LOXL1: variants seen among roughly 807,000 people sequenced by gnomAD.
LOXL1 encodes lysyl oxidase homolog 1.
LOXL1 carries 31 observed loss-of-function variants against 62.2 expected under a neutral mutation model. That is an observed-to-expected ratio of 0.50 (90% CI 0.37 to 0.67). The LOEUF (loss-of-function observed/expected upper bound fraction) is 0.67. Ranked by LOEUF, LOXL1 falls within the 30% of genes least tolerant of loss-of-function variation. LOXL1 has a pLI of 0.00. For missense variants in LOXL1, 775 were observed against 843.4 expected (o/e 0.92, Z 1.00); for synonymous variants, 403 against 384.4 (o/e 1.05, Z -0.56).
intron 1 of LOXL1, 106 bp downstream of exon 1, chr15:73,927,991 A>T (rs1249123766): frequency 9.3e-7 from 1 of 1,073,348 alleles, no homozygotes; most frequent in Non-Finnish European, 1.2e-6. Context: ...GCCTCCCCGG[A>T]GCTGCTAAGC....
At chr15:73,951,225 A>G (rs541706812) in intron 6 of LOXL1, among the ~76,000 whole-genome samples, 2 of 152,360 alleles carry the variant, frequency 1.3e-5, no homozygotes, top group African/African-American at 4.8e-5. Flanking sequence ...TGGAGCAGCC[A>G]GGAGGGCTGT....
chr15:73,927,755 G>T lies in LOXL1; in HGVS notation c.972G>T (p.Pro324=). Residue 324 remains proline (P), a synonymous_variant, in exon 1 of 7, where the codon CCG becomes CCT. Transcript: ENST00000261921. ...CGCCGCCCGAGGCGTACGGGCCGCCGCGCGCGCTGGAGCCGCCCTACCTGC... is the reference window on the plus strand; with the variant it reads ...CGCCGCCCGAGGCGTACGGGCCGCCTCGCGCGCTGGAGCCGCCCTACCTGC... The part of the protein sequence containing the change: ...ANPPPEAYGP[P]RALEPPYLPV... 6.9e-7 allele frequency: 1 copy of T among 1,449,486 alleles called. No individual in the cohort carries two copies. Among genetic ancestry groups the T allele is most frequent in the Non-Finnish European group, 9.0e-7 (1 of 1,107,170 alleles). The allele number at this position is 1,449,486 out of a possible 1,614,324, so 89.8% of individuals were successfully genotyped here.
intron 1 of LOXL1, among the ~76,000 whole-genome samples, chr15:73,938,644 G>A (rs1238969798): frequency 6.6e-6 from 1 of 152,218 alleles, no homozygotes; most frequent in Non-Finnish European, 1.5e-5. Flanking sequence ...CCGGGAAGCG[G>A]ATGTTGCAGT....
chr15:73,927,757 G>T lies in LOXL1; in HGVS notation c.974G>T (p.Arg325Leu). Residue 325 changes from arginine (R) to leucine (L), a missense_variant, in exon 1 of 7, where the codon CGC becomes CTC. Coordinates refer to ENST00000261921, the MANE Select transcript of LOXL1 (RefSeq NM_005576.4). Reference protein sequence around the residue: ...NPPPEAYGPPRALEPPYLPVR... With the variant: ...NPPPEAYGPPLALEPPYLPVR... The stretch of plus-strand genomic sequence containing the variant: ...CCGCCCGAGGCGTACGGGCCGCCGC[G>T]CGCGCTGGAGCCGCCCTACCTGCCG... 6.9e-7 allele frequency: 1 copy of T among 1,446,020 alleles called. No homozygotes were observed. Among genetic ancestry groups the T allele is most frequent in the Non-Finnish European group, 9.0e-7 (1 of 1,105,434 alleles). The allele number at this position is 1,446,020 out of a possible 1,614,324, so 89.6% of individuals were successfully genotyped here.
intron 1 of LOXL1, among the ~76,000 whole-genome samples, chr15:73,937,723 C>T (rs966202304): frequency 1.4e-4 from 22 of 152,254 alleles, no homozygotes; most frequent in Admixed American, 1.3e-3. Context: ...AGACCCCAGG[C>T]TCCTGTCTCC....
chr15:73,947,760 C>G (rs1234582707), intron 4 of LOXL1, 47 bp from the exon 5 acceptor site: 1 of 1,381,600 alleles, frequency 7.2e-7, no homozygotes, highest in East Asian at 2.3e-5. Flanking sequence ...TGGGGTGGCT[C>G]TGGGAAACAA....
intron 4 of LOXL1, 103 bp downstream of exon 4, chr15:73,947,326 C>G: frequency 7.8e-7 from 1 of 1,275,430 alleles, no homozygotes; most frequent in South Asian, 1.4e-5. Flanking sequence ...CTTCTGGCCA[C>G]TCAGCTCTGC....
intron 1 of LOXL1, among the ~76,000 whole-genome samples, chr15:73,935,207 A>G (rs1472572632): frequency 1.3e-5 from 2 of 152,170 alleles, no homozygotes; most frequent in Non-Finnish European, 2.9e-5. Flanking sequence ...CCAGGAGTGG[A>G]CAGTGGAGAG....
Position 73,951,958 on chromosome 15 carries a change from C to A in LOXL1, c.*121C>A. 1.2e-6 allele frequency: 1 copy of A among 867,196 alleles called. No individual in the cohort carries two copies. Among genetic ancestry groups the A allele is most frequent in the Non-Finnish European group, 1.6e-6 (1 of 631,814 alleles). 53.7% of individuals were successfully genotyped at this position (867,196 alleles called of 1,614,324 possible). ...GGCACGGAGGGGCATCCCTCCCTGCCGGCCTCAGGGAGCGAACGTGGATGA... is the reference window on the plus strand; with the variant it reads ...GGCACGGAGGGGCATCCCTCCCTGCAGGCCTCAGGGAGCGAACGTGGATGA... On this transcript the variant is annotated 3_prime_UTR_variant, in exon 7 of 7. Coordinates refer to ENST00000261921, the MANE Select transcript of LOXL1 (RefSeq NM_005576.4).
At position 73,947,222 on chromosome 15, in the gene LOXL1, A is replaced by G; in HGVS notation, c.1505A>G (p.Gln502Arg). 6.3e-7 allele frequency: 1 copy of G among 1,596,246 alleles called. No individual in the cohort carries two copies. Among genetic ancestry groups the G allele is most frequent in the Non-Finnish European group, 8.6e-7 (1 of 1,166,124 alleles). ...LKRYACTSHT[Q>R]GLSPGCYDTY... ...CGCTATGCATGCACCTCTCATACCC[A>G]GGTTGGGCTGGAGAGATGGGGTTTG... The change falls in exon 4 of 7, where the codon CAG (glutamine) becomes CGG (arginine). Residue 502 changes from glutamine (Q) to arginine (R), a missense_variant and splice_region_variant. Coordinates refer to ENST00000261921, the MANE Select transcript of LOXL1 (RefSeq NM_005576.4).
rs905369255 is a variant in LOXL1, at chr15:73,951,971, C to T, written c.*134C>T. The T allele has an allele frequency of 1.5e-5, 10 of 683,372 alleles. No individual in the cohort carries two copies. Among genetic ancestry groups the T allele is most frequent in the Admixed American group, 8.3e-5 (2 of 24,160 alleles). 42.3% of individuals were successfully genotyped at this position (683,372 alleles called of 1,614,324 possible). A position where few individuals can be genotyped will look rare whatever the true frequency, so the allele number is the denominator to read the frequency against. ...ATCCCTCCCTGCCGGCCTCAGGGAG[C>T]GAACGTGGATGAAAACCACAGGGAT... On this transcript the variant is annotated 3_prime_UTR_variant, in exon 7 of 7. Transcript: ENST00000261921.
intron 1 of LOXL1, among the ~76,000 whole-genome samples, chr15:73,928,614 A>C (rs1459787966): frequency 5.3e-5 from 8 of 151,726 alleles, no homozygotes; most frequent in East Asian, 1.9e-4. Context: ...AAAAAAAAAA[A>C]AAAAAAAAAA....
At chr15:73,933,239 C>G (rs1390574360) in intron 1 of LOXL1, among the ~76,000 whole-genome samples, 1 of 152,174 alleles carries the variant, frequency 6.6e-6, no homozygotes, top group Non-Finnish European at 1.5e-5. Context: ...AACTGAGGCT[C>G]GGAGAAATTA....
chr15:73,926,776 G>A lies in LOXL1; in HGVS notation c.-8G>A, dbSNP rs1393768732. On this transcript the variant is annotated 5_prime_UTR_variant, in exon 1 of 7. Transcript: ENST00000261921. ...CTCTGTCCACCAGGCCTCTGCAGAG[G>A]GGTCACCATGGCTCTGGCCCGAGGC... The A allele has an allele frequency of 7.1e-7, 1 of 1,411,034 alleles. No individual in the cohort carries two copies. 87.4% of individuals were successfully genotyped at this position (1,411,034 alleles called of 1,614,324 possible).
intron 1 of LOXL1, among the ~76,000 whole-genome samples, chr15:73,936,602 A>G (rs1249617866): frequency 6.6e-6 from 1 of 152,124 alleles, no homozygotes; most frequent in Non-Finnish European, 1.5e-5. Context: ...TCCACTTTCC[A>G]TCATTTGCCC....
chr15:73,928,082 A>C (rs2068604699), intron 1 of LOXL1, 197 bp downstream of exon 1: 2 of 441,554 alleles, frequency 4.5e-6, no homozygotes, highest in Non-Finnish European at 7.6e-6. Flanking sequence ...CTTAACCCGC[A>C]CCCAGGCATC....
intron 1 of LOXL1, among the ~76,000 whole-genome samples, chr15:73,938,202 C>A (rs1336801293): frequency 1.3e-5 from 2 of 152,002 alleles, no homozygotes. Flanking sequence ...ATTGCTTGAA[C>A]CCGGGAGGTG....
chr15:73,944,331 C>T (rs950791793), intron 2 of LOXL1, among the ~76,000 whole-genome samples: 15 of 152,244 alleles, frequency 9.9e-5, no homozygotes, highest in African/African-American at 3.6e-4. Flanking sequence ...CCCGGACCTG[C>T]GCTCCCAGCT....
At chr15:73,931,553 C>CTGCTCG (rs1431772382) in intron 1 of LOXL1, among the ~76,000 whole-genome samples, 1 of 152,182 alleles carries the variant, frequency 6.6e-6, no homozygotes, top group African/African-American at 2.4e-5. Flanking sequence ...TGGGACCATG[C>CTGCTCG]TGCTCGTGGG....
Sources: allele counts gnomAD v4.1 joint callset (sites outside exome capture counted in the v4.1 genomes callset), GRCh38; gene constraint gnomAD v4.1.1; transcripts MANE v1.5; gene names NCBI Gene and HGNC (gene_info 2026-07-23, HGNC 2026-07-21).